The following SUMF1 variants were observed in gnomAD, a reference collection of about 807,000 sequenced individuals.
SUMF1 encodes formylglycine-generating enzyme.
Under a neutral mutation model 47.6 loss-of-function variants are expected in SUMF1, and 48 were observed. The ratio of observed to expected loss-of-function variants is 1.01; its 90% CI spans 0.80 to 1.28. SUMF1 has a LOEUF of 1.28. Among genes scored for constraint, SUMF1 ranks in the 50% most tolerant of loss-of-function variants. The pLI is 0.00. For synonymous variants in SUMF1, 230 were observed against 192.1 expected, an observed-to-expected ratio of 1.20 and a Z score of -1.63; for missense variants, 571 against 485.4, an observed-to-expected ratio of 1.18 and a Z score of -1.66.
intron 4 of SUMF1, among the ~76,000 whole-genome samples, chr3:4,419,287 C>G (rs1320812363): frequency 6.6e-6 from 1 of 152,172 alleles, no homozygotes. Context: ...CCAATTGAGG[C>G]TTTGAAAGAT....
intron 8 of SUMF1, among the ~76,000 whole-genome samples, chr3:4,152,097 G>T (rs990750533): frequency 6.6e-6 from 1 of 151,406 alleles, no homozygotes; most frequent in Admixed American, 6.6e-5. Flanking sequence ...GGCCATAAAG[G>T]TTAATAAAGA....
At chr3:4,200,098 T>C (rs1352442427) in intron 8 of SUMF1, among the ~76,000 whole-genome samples, 1 of 152,088 alleles carries the variant, frequency 6.6e-6, no homozygotes, top group Non-Finnish European at 1.5e-5. Flanking sequence ...GGAACTGTTA[T>C]ACTTTGAGCT....
rs183079083 is a variant in SUMF1 at position 4,179,417 on chromosome 3, C to A, written c.1015-110672G>T. Among the ~76,000 whole-genome samples, 57 of 152,132 alleles carry A rather than the reference C, an allele frequency of 3.7e-4. 1 individual carries two copies. In the East Asian group the frequency reaches 0.011, roughly 28 times the overall value. On this transcript the variant is annotated intron_variant and NMD_transcript_variant, in intron 8 of 12. Coordinates refer to the SUMF1 transcript ENST00000448413. The stretch of plus-strand genomic sequence containing the variant: ...ACCATCTGATCTTTGATAAACCTGA[C>A]AAAAATAAGCAATGGGGAAAGGATT...
intron 3 of SUMF1, among the ~76,000 whole-genome samples, chr3:4,423,620 TTAAA>T (rs1400608700): frequency 4.6e-5 from 7 of 152,218 alleles, no homozygotes; most frequent in East Asian, 1.9e-4. Flanking sequence ...AATTGGTATA[TTAAA>T]TAGTTTTAAA....
At chr3:4,044,949 T>TAA (rs149477168) in intron 9 of SUMF1, among the ~76,000 whole-genome samples, 2 of 152,020 alleles carry the variant, frequency 1.3e-5, no homozygotes, top group African/African-American at 4.8e-5. Flanking sequence ...TTTAACATGA[T>TAA]AAAAAAAAGT....
intron 7 of SUMF1, among the ~76,000 whole-genome samples, chr3:4,380,465 A>G (rs1023981248): frequency 1.3e-5 from 2 of 152,182 alleles, no homozygotes; most frequent in African/African-American, 4.8e-5. Context: ...GAAAAACTAC[A>G]TACTGAATAT....
At chr3:4,120,906 T>C (rs949264039) in intron 8 of SUMF1, among the ~76,000 whole-genome samples, 6 of 152,166 alleles carry the variant, frequency 3.9e-5, no homozygotes, top group African/African-American at 1.4e-4. Flanking sequence ...TATTTTCTCA[T>C]TGGTAAGATG....
At chr3:4,456,521 G>A (rs1236195050) in intron 1 of SUMF1, among the ~76,000 whole-genome samples, 2 of 144,268 alleles carry the variant, frequency 1.4e-5, no homozygotes, top group African/African-American at 2.6e-5. Flanking sequence ...GCACGATCTC[G>A]GCTCACTGCA....
chr3:4,425,388 G>A (rs1486823184), intron 3 of SUMF1, among the ~76,000 whole-genome samples: 1 of 152,156 alleles, frequency 6.6e-6, no homozygotes, highest in Non-Finnish European at 1.5e-5. Context: ...AGTATTAGCT[G>A]TCATTATTAC....
At chr3:4,232,843 T>C (rs1696331226) in intron 8 of SUMF1, among the ~76,000 whole-genome samples, 1 of 152,248 alleles carries the variant, frequency 6.6e-6, no homozygotes, top group East Asian at 1.9e-4. Flanking sequence ...GTTATGCCTG[T>C]ACTCAAAGCA....
chr3:4,234,708 G>A (rs1410372420), intron 8 of SUMF1, among the ~76,000 whole-genome samples: 3 of 152,026 alleles, frequency 2.0e-5, no homozygotes. Context: ...TGGGGAGAAG[G>A]GAATATCTCA....
At chr3:4,111,502 G>A (rs1378297328) in intron 8 of SUMF1, among the ~76,000 whole-genome samples, 1 of 152,012 alleles carries the variant, frequency 6.6e-6, no homozygotes, top group Non-Finnish European at 1.5e-5. Flanking sequence ...GGTGGATCAC[G>A]AGGTCAAGAG....
chr3:4,272,077 C>T (rs1232404884), intron 8 of SUMF1, among the ~76,000 whole-genome samples: 1 of 152,144 alleles, frequency 6.6e-6, no homozygotes, highest in Non-Finnish European at 1.5e-5. Flanking sequence ...TTTCCTGACC[C>T]GGACTGGAAT....
intron 8 of SUMF1, among the ~76,000 whole-genome samples, chr3:4,118,205 T>C (rs78270725): frequency 0.051 from 7,792 of 152,056 alleles, 550 homozygotes; most frequent in East Asian, 0.15. Flanking sequence ...CCTCTAGCTT[T>C]GCCTCTCTTT....
At chr3:4,178,240 A>C (rs1394981650) in intron 8 of SUMF1, among the ~76,000 whole-genome samples, 1 of 152,200 alleles carries the variant, frequency 6.6e-6, no homozygotes, top group Non-Finnish European at 1.5e-5. Context: ...CACAACAAAA[A>C]AAGAGAATGT....
At chr3:4,448,336 CCA>C (rs1226549892) in intron 3 of SUMF1, among the ~76,000 whole-genome samples, 1 of 152,086 alleles carries the variant, frequency 6.6e-6, no homozygotes, top group Non-Finnish European at 1.5e-5. Flanking sequence ...TGAGGCCCAC[CCA>C]CAGAGATGAA....
At chr3:4,373,715 A>G (rs1176444148) in intron 8 of SUMF1, among the ~76,000 whole-genome samples, 1 of 152,226 alleles carries the variant, frequency 6.6e-6, no homozygotes, top group Non-Finnish European at 1.5e-5. Context: ...TGAAGTCAGC[A>G]ATACCCTGAA....
intron 8 of SUMF1, among the ~76,000 whole-genome samples, chr3:4,093,711 ATT>A (rs1692839251): frequency 6.6e-6 from 1 of 152,158 alleles, no homozygotes; most frequent in Non-Finnish European, 1.5e-5. Context: ...GAAAAAACAG[ATT>A]TGAATTTGTT....
chr3:4,276,938 C>A (rs1480230224), intron 8 of SUMF1, among the ~76,000 whole-genome samples: 1 of 152,152 alleles, frequency 6.6e-6, no homozygotes, highest in Non-Finnish European at 1.5e-5. Flanking sequence ...TAAGTTCACA[C>A]TTTCAGCCTT....
Sources: allele counts gnomAD v4.1 joint callset (sites outside exome capture counted in the v4.1 genomes callset), GRCh38; gene constraint gnomAD v4.1.1; transcripts MANE v1.5; gene names NCBI Gene and HGNC (gene_info 2026-07-23, HGNC 2026-07-21).